The following COL27A1 variants were observed in gnomAD, a reference collection of about 807,000 sequenced individuals.
The protein encoded by COL27A1 is collagen type XXVII alpha 1 chain.
COL27A1 carries 106 observed loss-of-function variants against 251.3 expected under a neutral mutation model. The observed-to-expected ratio is 0.42, with a 90% CI of 0.36 to 0.50. The LOEUF (loss-of-function observed/expected upper bound fraction) is 0.50, where lower values mean the gene tolerates loss of function less well. COL27A1 is among the 20% of genes least tolerant of loss of function. The pLI is 0.00. For missense variants in COL27A1, 2,325 were observed against 2,522.8 expected, an observed-to-expected ratio of 0.92 and a Z score of 1.68; for synonymous variants, 1,000 against 986.3, an observed-to-expected ratio of 1.01 and a Z score of -0.26.
chr9:114,178,762 C>A (rs558921719), intron 4 of COL27A1, among the ~76,000 whole-genome samples: 1 of 152,074 alleles, frequency 6.6e-6, no homozygotes, highest in Admixed American at 6.6e-5. Flanking sequence ...AGGGGCCATG[C>A]GGGGAGGAGT....
intron 3 of COL27A1, among the ~76,000 whole-genome samples, chr9:114,172,694 C>G (rs1213358496): frequency 2.0e-5 from 3 of 151,952 alleles, no homozygotes; most frequent in Admixed American, 6.5e-5. Flanking sequence ...CTTGGGAGGC[C>G]GAGGTAGGAG....
chr9:114,235,789 C>T, intron 17 of COL27A1, 137 bp downstream of exon 17: 1 of 717,972 alleles, frequency 1.4e-6, no homozygotes, highest in Non-Finnish European at 2.6e-6. Flanking sequence ...ATCCAGTCTT[C>T]TCCATCCTTG....
rs1228888922 is a variant in COL27A1 at position 114,167,727 on chromosome 9, A to G, written c.172A>G (p.Lys58Glu). The G allele has an allele frequency of 1.2e-6, 2 of 1,613,566 alleles. No homozygotes were observed. Among genetic ancestry groups the G allele is most frequent in the Middle Eastern group, 1.6e-4 (1 of 6,062 alleles). The change falls in exon 3 of 61, where the codon AAG (lysine) becomes GAG (glutamate). Residue 58 changes from lysine (K) to glutamate (E), a missense_variant. Lys to Glu is a moderately conservative substitution (Grantham distance 56). Transcript: ENST00000356083. ...ILQRLGLSWT[K>E]AGSPAPPGVI... ...CCAGCGGCTGGGCCTCAGCTGGACG[A>G]AGGCCGGGAGCCCTGCACCCCCGGG...
chr9:114,188,330 C>A (rs1828528086), intron 5 of COL27A1, among the ~76,000 whole-genome samples: 1 of 152,226 alleles, frequency 6.6e-6, no homozygotes, highest in African/African-American at 2.4e-5. Context: ...GTGATTCTAC[C>A]TCATGCCTGT....
At chr9:114,172,035 G>A (rs1322255462) in intron 3 of COL27A1, among the ~76,000 whole-genome samples, 4 of 152,118 alleles carry the variant, frequency 2.6e-5, no homozygotes, top group Non-Finnish European at 5.9e-5. Flanking sequence ...CCTGACTACT[G>A]AGGACAAGGG....
chr9:114,287,446 G>A (rs1481592720), intron 41 of COL27A1, among the ~76,000 whole-genome samples: 1 of 152,126 alleles, frequency 6.6e-6, no homozygotes, highest in Non-Finnish European at 1.5e-5. Context: ...TGTCCTGTGG[G>A]TGGACCAGGG....
At position 114,288,987 on chromosome 9, in the gene COL27A1, C is replaced by G. The variant is rs1314616911; in HGVS notation, c.4152+20C>G. ...CAACCCGTGAGTGGTGCTTCGTGTC[C>G]CATCCCTGCCTCCCACCCTGAGTGG... On this transcript the variant is annotated intron_variant, in intron 44 of 60. Coordinates refer to ENST00000356083, the MANE Select transcript of COL27A1 (RefSeq NM_032888.4). 2 of 1,613,334 alleles carry G rather than the reference C, an allele frequency of 1.2e-6. No individual in the cohort carries two copies. Among genetic ancestry groups the G allele is most frequent in the African/African-American group, 2.7e-5 (2 of 75,044 alleles).
At chr9:114,213,839 G>C (rs1272513011) in intron 12 of COL27A1, among the ~76,000 whole-genome samples, 1 of 152,182 alleles carries the variant, frequency 6.6e-6, no homozygotes, top group East Asian at 1.9e-4. Flanking sequence ...GAGAACTTCT[G>C]TCTGCTTCCT....
At chr9:114,242,126 T>C (rs1832804374) in intron 21 of COL27A1, 61 bp from the exon 22 acceptor site, 5 of 1,434,030 alleles carry the variant, frequency 3.5e-6, no homozygotes, top group Non-Finnish European at 3.8e-6. Context: ...GGACAAGATC[T>C]CTGCAAGTCC....
At chr9:114,170,670 T>C (rs1849248655) in intron 3 of COL27A1, among the ~76,000 whole-genome samples, 2 of 152,246 alleles carry the variant, frequency 1.3e-5, no homozygotes, top group African/African-American at 4.8e-5. Flanking sequence ...GTCGAACTTA[T>C]GGAAACTGTA....
chr9:114,231,833 C>T lies in COL27A1; in HGVS notation c.2532C>T (p.Gly844=), dbSNP rs765915523. Residue 844 remains glycine (G), a synonymous_variant, in exon 16 of 61, where the codon GGC becomes GGT. Transcript: ENST00000356083. ...GCTTTGTCTTGCAGGGACTGATGGG[C>T]AGCGTGGGGGAGCCCGGACTGAAAG... is the stretch of plus-strand genomic sequence containing the variant. The part of the protein sequence containing the change: ...PGPKGMKGLM[G]SVGEPGLKGD... 9 of 1,614,038 alleles carry T rather than the reference C, an allele frequency of 5.6e-6. No individual in the cohort carries two copies. The East Asian group carries it at 1.8e-4, about 32-fold the overall frequency.
chr9:114,181,035 C>T (rs1220221081), intron 4 of COL27A1, among the ~76,000 whole-genome samples: 1 of 152,160 alleles, frequency 6.6e-6, no homozygotes, highest in African/African-American at 2.4e-5. Flanking sequence ...AACCTCTGTC[C>T]AATTCCCACT....
intron 25 of COL27A1, 84 bp downstream of exon 25, chr9:114,250,752 G>A (rs1833489547): frequency 5.6e-6 from 7 of 1,261,216 alleles, no homozygotes; most frequent in East Asian, 2.4e-5. Flanking sequence ...TTTGACCTGG[G>A]GATTTCAGAA....
At chr9:114,206,107 G>T in intron 9 of COL27A1, 145 bp from the exon 10 acceptor site, 2 of 803,744 alleles carry the variant, frequency 2.5e-6, no homozygotes, top group Non-Finnish European at 2.1e-6. Flanking sequence ...GGGCTGTGGG[G>T]GTCAGGCCAA....
At chr9:114,199,223 T>G (rs1398566751) in intron 7 of COL27A1, among the ~76,000 whole-genome samples, 1 of 152,156 alleles carries the variant, frequency 6.6e-6, no homozygotes, top group Non-Finnish European at 1.5e-5. Context: ...TGGCAGTGTC[T>G]GGAGATATTT....
intron 35 of COL27A1, among the ~76,000 whole-genome samples, chr9:114,270,293 G>A (rs1249131976): frequency 6.6e-6 from 1 of 152,220 alleles, no homozygotes; most frequent in East Asian, 1.9e-4. Flanking sequence ...CGGTCAAACA[G>A]CCAGTGAATG....
chr9:114,178,409 T>G, intron 4 of COL27A1, 65 bp downstream of exon 4: 1 of 1,447,824 alleles, frequency 6.9e-7, no homozygotes, highest in Non-Finnish European at 9.7e-7. Flanking sequence ...TCACTGCCCC[T>G]GAGGTCTCGG....
chr9:114,167,745 C>A lies in COL27A1; in HGVS notation c.190C>A (p.Pro64Thr), dbSNP rs750179344. The A allele has an allele frequency of 1.2e-6, 2 of 1,613,842 alleles. No individual in the cohort carries two copies. Among genetic ancestry groups the A allele is most frequent in the African/African-American group, 1.3e-5 (1 of 75,064 alleles). The change falls in exon 3 of 61, where the codon CCC becomes ACC. Residue 64 changes from proline (P) to threonine (T), a missense_variant. By Grantham distance (38) the Pro-to-Thr change is conservative. Transcript: ENST00000356083. ...LSWTKAGSPA[P>T]PGVIPFQSGF... is the part of the protein sequence containing the mutation. The stretch of plus-strand genomic sequence containing the variant: ...CTGGACGAAGGCCGGGAGCCCTGCA[C>A]CCCCGGGAGTCATTCCTTTCCAGTC...
intron 41 of COL27A1, among the ~76,000 whole-genome samples, chr9:114,286,524 G>A (rs1244070642): frequency 1.3e-5 from 2 of 152,112 alleles, no homozygotes; most frequent in African/African-American, 4.8e-5. Flanking sequence ...CTCACCGTGG[G>A]GGTGAGCTCA....
Sources: allele counts gnomAD v4.1 joint callset (sites outside exome capture counted in the v4.1 genomes callset), GRCh38; gene constraint gnomAD v4.1.1; transcripts MANE v1.5; gene names NCBI Gene and HGNC (gene_info 2026-07-23, HGNC 2026-07-21).